CPO: variants seen among roughly 807,000 people sequenced by gnomAD.
The protein encoded by CPO is carboxypeptidase O.
A neutral mutation model predicts 41.2 loss-of-function variants in CPO; 43 were observed. The observed-to-expected ratio is 1.04, with a 90% CI of 0.82 to 1.35. CPO has a LOEUF of 1.35. CPO is among the 40% of genes most tolerant of loss of function. The pLI is 0.00. For missense variants in CPO, 408 were observed against 451.7 expected (o/e 0.90, Z 0.88); for synonymous variants, 178 against 162.7 (o/e 1.09, Z -0.72).
At position 206,939,852 on chromosome 2, in the gene CPO, T is replaced by G. The variant is rs1240543963; in HGVS notation, c.68+185T>G. On this transcript the variant is annotated intron_variant, in intron 1 of 8. Transcript: ENST00000272852. The stretch of plus-strand genomic sequence containing the variant: ...ATAATCATAATCCTCTAATAATCCT[T>G]GAATAAATGAATAAATATCTAGCAA... 3.3e-5 allele frequency among the ~76,000 whole-genome samples: 5 copies of G among 152,116 alleles called. No homozygotes were observed. The East Asian group carries it at 9.6e-4, about 29-fold the overall frequency.
intron 1 of CPO, among the ~76,000 whole-genome samples, chr2:206,948,240 C>G (rs931782198): frequency 2.0e-5 from 3 of 152,162 alleles, no homozygotes; most frequent in Non-Finnish European, 4.4e-5. Context: ...GAATATTACA[C>G]AGTGCTAATA....
chr2:206,943,674 T>TA (rs766445671), intron 1 of CPO, among the ~76,000 whole-genome samples: 30 of 106,628 alleles, frequency 2.8e-4, no homozygotes, highest in Admixed American at 2.1e-3. Flanking sequence ...GATAGATAGA[T>TA]GATAGATAGA....
chr2:206,963,250 G>A (rs930870185), intron 7 of CPO, among the ~76,000 whole-genome samples: 1 of 152,200 alleles, frequency 6.6e-6, no homozygotes, highest in Non-Finnish European at 1.5e-5. Context: ...GCCCTTTTGT[G>A]AACCAGAGGA....
chr2:206,965,271 C>T (rs1693551296), intron 7 of CPO, among the ~76,000 whole-genome samples: 1 of 152,140 alleles, frequency 6.6e-6, no homozygotes. Context: ...ACGTCTACCT[C>T]ATTGAAGCTA....
At chr2:206,960,969 A>G in intron 6 of CPO, 27 bp downstream of exon 6, 1 of 1,411,026 alleles carries the variant, frequency 7.1e-7, no homozygotes, top group Non-Finnish European at 1.0e-6. Flanking sequence ...TAGATGAATT[A>G]TGAACAAATA....
At chr2:206,963,351 TGTG>T (rs1262131105) in intron 7 of CPO, among the ~76,000 whole-genome samples, 1 of 152,254 alleles carries the variant, frequency 6.6e-6, no homozygotes, top group Non-Finnish European at 1.5e-5. Flanking sequence ...CCGTTTTAAT[TGTG>T]GTAAAATAAA....
Position 206,956,456 on chromosome 2 carries a change from A to G in CPO, c.267+892A>G, listed in dbSNP as rs571477323. On this transcript the variant is annotated intron_variant, in intron 3 of 8. Transcript: ENST00000272852. The stretch of plus-strand genomic sequence containing the variant: ...CAGCATCACCACCTGAGGGCTTGTT[A>G]CAAATGCACACTCTCAGGTCCCTGC... Among the ~76,000 whole-genome samples, 19 of 152,272 alleles carry G rather than the reference A, an allele frequency of 1.2e-4. No homozygotes were observed. In the South Asian group the frequency reaches 3.9e-3, roughly 32 times the overall value.
chr2:206,941,442 G>C (rs914463639), intron 1 of CPO, among the ~76,000 whole-genome samples: 4 of 152,016 alleles, frequency 2.6e-5, no homozygotes, highest in African/African-American at 9.7e-5. Flanking sequence ...TTTGGTTGGT[G>C]ATATTTTCTC....
At chr2:206,942,174 G>C (rs1693042458) in intron 1 of CPO, among the ~76,000 whole-genome samples, 2 of 152,174 alleles carry the variant, frequency 1.3e-5, no homozygotes, top group South Asian at 4.1e-4. Flanking sequence ...TCATTGGTTT[G>C]AGGAAATGTC....
intron 3 of CPO, among the ~76,000 whole-genome samples, chr2:206,957,491 A>G (rs1693392019): frequency 6.6e-6 from 1 of 152,202 alleles, no homozygotes; most frequent in African/African-American, 2.4e-5. Flanking sequence ...AGATCCAGCC[A>G]TGTATTTATC....
intron 7 of CPO, among the ~76,000 whole-genome samples, chr2:206,964,317 A>G (rs1032559995): frequency 6.6e-6 from 1 of 152,306 alleles, no homozygotes; most frequent in Admixed American, 6.5e-5. Flanking sequence ...CTATATGATC[A>G]TTTTGTAACA....
intron 1 of CPO, among the ~76,000 whole-genome samples, chr2:206,947,781 C>T (rs77443653): frequency 0.011 from 1,640 of 151,948 alleles, 30 homozygotes; most frequent in African/African-American, 0.038. Flanking sequence ...ATAGAGACAG[C>T]GAGAAAACAT....
intron 1 of CPO, among the ~76,000 whole-genome samples, chr2:206,945,344 A>G (rs970575259): frequency 8.1e-5 from 9 of 111,374 alleles, no homozygotes; most frequent in African/African-American, 2.3e-4. Flanking sequence ...TCATACTCCA[A>G]TGCCATTAAC....
chr2:206,960,456 C>T (rs1693457903), intron 5 of CPO, among the ~76,000 whole-genome samples: 1 of 152,218 alleles, frequency 6.6e-6, no homozygotes, highest in Non-Finnish European at 1.5e-5. Flanking sequence ...ATCTCTGACA[C>T]ACCTGGAATG....
At chr2:206,943,694 AG>A (rs1693074534) in intron 1 of CPO, among the ~76,000 whole-genome samples, 3 of 125,420 alleles carry the variant, frequency 2.4e-5, no homozygotes, top group Non-Finnish European at 5.2e-5. Flanking sequence ...ATAGATAGAT[AG>A]ATAGATAGAT....
At chr2:206,960,074 C>G (rs1168933221) in intron 5 of CPO, among the ~76,000 whole-genome samples, 2 of 152,130 alleles carry the variant, frequency 1.3e-5, no homozygotes, top group East Asian at 3.8e-4. Context: ...AACTTGCATC[C>G]ATGTCAAATC....
intron 4 of CPO, 113 bp from the exon 5 acceptor site, chr2:206,959,518 G>A (rs1693438874): frequency 1.6e-6 from 1 of 620,916 alleles, no homozygotes; most frequent in Non-Finnish European, 2.9e-6. Context: ...TTGGGGACTG[G>A]AGGGTGGAGG....
intron 3 of CPO, 104 bp from the exon 4 acceptor site, chr2:206,958,197 A>G: frequency 3.4e-6 from 2 of 585,634 alleles, no homozygotes; most frequent in Non-Finnish European, 6.0e-6. Context: ...CACAGAGTGG[A>G]GTGAAAAAGG....
In CPO at chr2:206,939,543, G is replaced by T; in HGVS notation, c.-57G>T. ...ACAGTCTTGATGCATTCATTCTCAA[G>T]GACACTTGATCCACTGCCAGAGAGG... On this transcript the variant is annotated 5_prime_UTR_variant, in exon 1 of 9. The change creates a new upstream start codon in the 5' untranslated region. Transcript: ENST00000272852. The T allele has an allele frequency of 7.2e-7, 1 of 1,389,642 alleles. No homozygotes were observed. Among genetic ancestry groups the T allele is most frequent in the Non-Finnish European group, 1.0e-6 (1 of 978,966 alleles). The allele number at this position is 1,389,642 out of a possible 1,614,324, so 86.1% of individuals were successfully genotyped here.
Sources: allele counts gnomAD v4.1 joint callset (sites outside exome capture counted in the v4.1 genomes callset), GRCh38; gene constraint gnomAD v4.1.1; transcripts MANE v1.5; gene names NCBI Gene and HGNC (gene_info 2026-07-23, HGNC 2026-07-21).